The following ITPRID1 variants were observed in gnomAD, a reference collection of about 807,000 sequenced individuals.
ITPRID1 encodes ITPR interacting domain containing 1, also known as protein ITPRID1.
ITPRID1 carries 96 observed loss-of-function variants against 95.4 expected under a neutral mutation model. The ratio of observed to expected loss-of-function variants is 1.01; its 90% confidence interval spans 0.85 to 1.19. The LOEUF (loss-of-function observed/expected upper bound fraction) is 1.19. ITPRID1 is among the 50% of genes most tolerant of loss of function. The pLI is 0.00. For synonymous variants in ITPRID1, 510 were observed against 453.6 expected, an observed-to-expected ratio of 1.12 and a Z score of -1.58; for missense variants, 1,339 against 1,252.9, an observed-to-expected ratio of 1.07 and a Z score of -1.04.
At chr7:31,535,475 T>C (rs972881749) in intron 1 of ITPRID1, among the ~76,000 whole-genome samples, 1 of 151,960 alleles carries the variant, frequency 6.6e-6, no homozygotes, top group Non-Finnish European at 1.5e-5. Context: ...TGTATACATA[T>C]AGATGTATAT....
intron 1 of ITPRID1, among the ~76,000 whole-genome samples, chr7:31,540,474 T>G (rs948143009): frequency 6.6e-6 from 1 of 152,090 alleles, no homozygotes; most frequent in Non-Finnish European, 1.5e-5. Flanking sequence ...AAAACATGAG[T>G]CAAGACTAGA....
intron 12 of ITPRID1, among the ~76,000 whole-genome samples, chr7:31,649,503 G>A (rs998361024): frequency 1.3e-5 from 2 of 152,210 alleles, no homozygotes; most frequent in Non-Finnish European, 2.9e-5. Flanking sequence ...GCTGGGAAAT[G>A]TAATTTTTTA....
At chr7:31,602,473 G>C (rs962929288) in intron 10 of ITPRID1, among the ~76,000 whole-genome samples, 19 of 152,170 alleles carry the variant, frequency 1.2e-4, no homozygotes, top group African/African-American at 4.3e-4. Flanking sequence ...GGCTCTGGCA[G>C]CTAACTCCAT....
chr7:31,528,713 T>C (rs951997166), intron 1 of ITPRID1, among the ~76,000 whole-genome samples: 29 of 152,144 alleles, frequency 1.9e-4, no homozygotes, highest in African/African-American at 6.3e-4. Flanking sequence ...CGAGCTGTCA[T>C]AGAGGAAGAG....
At chr7:31,613,260 C>T (rs1329118775) in intron 10 of ITPRID1, among the ~76,000 whole-genome samples, 1 of 152,174 alleles carries the variant, frequency 6.6e-6, no homozygotes, top group East Asian at 1.9e-4. Flanking sequence ...ACGAAGTTCA[C>T]TGTTCTTATT....
In ITPRID1 at chr7:31,516,550, G is replaced by A. The variant is rs563620933; in HGVS notation, c.-98+2430G>A. On this transcript the variant is annotated intron_variant, in intron 1 of 14. Transcript: ENST00000615280. ...GATGCCATAGCTCAGGAAGAGAAAC[G>A]GCTTGCTCTAACAGACACAGATAAT... Among the ~76,000 whole-genome samples, 8 of 152,186 alleles carry A rather than the reference G, an allele frequency of 5.3e-5. No individual in the cohort carries two copies. In the South Asian group the frequency reaches 1.7e-3, roughly 32 times the overall value.
At position 31,655,091 on chromosome 7, in the gene ITPRID1, C is replaced by T. The variant is rs531427166; in HGVS notation, c.*2262C>T. 6.6e-6 allele frequency among the ~76,000 whole-genome samples: 1 copy of T among 152,298 alleles called. No homozygotes were observed. The highest frequency in any genetic ancestry group is 1.9e-4 in the East Asian group (1 of 5,182). ...TATGACCCTGATTCCCAGCTCTCTC[C>T]AGTATCCCAGCCCAGCATTTTTTAC... On this transcript the variant is annotated 3_prime_UTR_variant, in exon 15 of 15. Coordinates refer to ENST00000615280, the MANE Select transcript of ITPRID1 (RefSeq NM_001257967.3).
At chr7:31,577,752 C>T (rs1483736933) in intron 8 of ITPRID1, 111 bp from the exon 9 acceptor site, 4 of 856,052 alleles carry the variant, frequency 4.7e-6, no homozygotes, top group Non-Finnish European at 7.1e-6. Flanking sequence ...GCCTAATGTC[C>T]TTCCTATCTT....
chr7:31,583,528 T>C (rs923731650), intron 10 of ITPRID1, among the ~76,000 whole-genome samples: 2 of 152,134 alleles, frequency 1.3e-5, no homozygotes, highest in Admixed American at 6.5e-5. Context: ...TTTGGGAGGC[T>C]GAGGCAGGAG....
chr7:31,655,899 C>T lies in ITPRID1; in HGVS notation c.*3070C>T. The T allele has an allele frequency of 1.0e-6, 1 of 985,500 alleles. No individual in the cohort carries two copies. The highest frequency in any genetic ancestry group is 1.2e-6 in the Non-Finnish European group (1 of 829,998). The allele number at this position is 985,500 out of a possible 1,614,324, so 61.0% of individuals were successfully genotyped here. A position where few individuals can be genotyped will look rare whatever the true frequency, so the allele number is the denominator to read the frequency against. ...GAGGAACACCTGGCTCTAGGATGTCCCTCACCTGGCAGCCATCTGCTTTAC... is the reference window on the plus strand; with the variant it reads ...GAGGAACACCTGGCTCTAGGATGTCTCTCACCTGGCAGCCATCTGCTTTAC... On this transcript the variant is annotated 3_prime_UTR_variant, in exon 15 of 15. Transcript: ENST00000615280.
intron 5 of ITPRID1, among the ~76,000 whole-genome samples, chr7:31,560,278 T>C (rs772691048): frequency 6.6e-6 from 1 of 152,190 alleles, no homozygotes; most frequent in Non-Finnish European, 1.5e-5. Context: ...GGCTAGGGGT[T>C]AAAGAATTAT....
downstream of ITPRID1, chr7:31,658,122 G>A (rs1791379371): frequency 2.0e-6 from 1 of 496,254 alleles, no homozygotes; most frequent in South Asian, 6.6e-5. Flanking sequence ...GAGACACAAA[G>A]ATGAAACCTT....
At chr7:31,533,079 T>C (rs564283146) in intron 1 of ITPRID1, among the ~76,000 whole-genome samples, 1 of 152,286 alleles carries the variant, frequency 6.6e-6, no homozygotes, top group Admixed American at 6.5e-5. Context: ...TGTGTCACAT[T>C]GGTGTTATTT....
intron 10 of ITPRID1, among the ~76,000 whole-genome samples, chr7:31,619,632 A>G (rs1282494769): frequency 6.6e-6 from 1 of 152,106 alleles, no homozygotes; most frequent in Non-Finnish European, 1.5e-5. Flanking sequence ...AGGAGCCAAG[A>G]TGGCCGAATA....
chr7:31,545,545 A>G (rs1461780616), intron 1 of ITPRID1, among the ~76,000 whole-genome samples: 1 of 152,134 alleles, frequency 6.6e-6, no homozygotes, highest in Non-Finnish European at 1.5e-5. Context: ...AGTCATTTCA[A>G]GTTTCCAGGA....
Position 31,578,173 on chromosome 7 carries a change from C to T in ITPRID1, c.909C>T (p.Asn303=), listed in dbSNP as rs754987654. The change falls in exon 9 of 15, where the codon AAC becomes AAT. Residue 303 remains asparagine, a synonymous_variant. Coordinates refer to ENST00000615280, the MANE Select transcript of ITPRID1 (RefSeq NM_001257967.3). The part of the protein sequence containing the change: ...CGAELAATSI[N]HKQNHLSLSV... ...CAGAGCTAGCAGCAACCTCAATCAACCACAAGCAAAATCATTTGTCTCTGT... is the reference window on the plus strand; with the variant it reads ...CAGAGCTAGCAGCAACCTCAATCAATCACAAGCAAAATCATTTGTCTCTGT... 6.8e-6 allele frequency: 11 copies of T among 1,613,654 alleles called. No homozygotes were observed. The highest frequency in any genetic ancestry group is 1.3e-5 in the African/African-American group (1 of 74,926).
intron 10 of ITPRID1, among the ~76,000 whole-genome samples, chr7:31,610,744 AT>A (rs1217385740): frequency 6.6e-6 from 1 of 151,552 alleles, no homozygotes; most frequent in African/African-American, 2.4e-5. Flanking sequence ...AATAGGTAAT[AT>A]GATATGATAT....
chr7:31,637,894 A>C (rs930799840), intron 10 of ITPRID1, among the ~76,000 whole-genome samples: 12 of 152,180 alleles, frequency 7.9e-5, no homozygotes, highest in African/African-American at 2.7e-4. Flanking sequence ...TCTTTAATCC[A>C]TCTTGAATTA....
intron 10 of ITPRID1, among the ~76,000 whole-genome samples, chr7:31,605,241 C>T (rs1270656338): frequency 1.3e-5 from 2 of 152,150 alleles, no homozygotes; most frequent in East Asian, 3.9e-4. Flanking sequence ...TAGAAGCCTT[C>T]AAGGCAGAAG....
Sources: gnomAD v4.1 joint callset for allele counts (sites outside exome capture counted in the v4.1 genomes callset) on GRCh38, gnomAD v4.1.1 for gene constraint, MANE v1.5 for transcripts, NCBI Gene and HGNC (gene_info 2026-07-23, HGNC 2026-07-21) for gene names.